The following SPATS2L variants were observed in gnomAD, a reference collection of about 807,000 sequenced individuals.
SPATS2L encodes the protein SPATS2-like protein.
A neutral mutation model predicts 59.6 loss-of-function variants in SPATS2L; 30 were observed. The ratio of observed to expected loss-of-function variants is 0.50; its 90% CI spans 0.38 to 0.68. The LOEUF is 0.68. Among genes scored for constraint, SPATS2L ranks in the 30% least tolerant of loss-of-function variants. The pLI is 0.00. For missense variants in SPATS2L, 615 were observed against 700.0 expected (o/e 0.88, Z 1.37); for synonymous variants, 252 against 263.5 (o/e 0.96, Z 0.42).
At chr2:200,332,881 T>G (rs2079997190) in intron 2 of SPATS2L, among the ~76,000 whole-genome samples, 2 of 152,024 alleles carry the variant, frequency 1.3e-5, no homozygotes, top group Admixed American at 6.5e-5. Context: ...GGAGAATAGA[T>G]TAATAAATTG....
intron 1 of SPATS2L, among the ~76,000 whole-genome samples, chr2:200,326,283 A>G (rs2079739182): frequency 6.6e-6 from 1 of 152,040 alleles, no homozygotes; most frequent in Non-Finnish European, 1.5e-5. Flanking sequence ...ACTCCTTTTC[A>G]CTTTTTTAAG....
Position 200,477,921 on chromosome 2 carries a change from T to A in SPATS2L, c.1567T>A (p.Phe523Ile), listed in dbSNP as rs754533278. Reference sequence around the variant, plus strand: ...TGCAGACACCTCGGAGGCCAGGCCCTTCCGGGGTAGTGTCGGTAGGGTTTC... The same window carrying A: ...TGCAGACACCTCGGAGGCCAGGCCCATCCGGGGTAGTGTCGGTAGGGTTTC... Reference protein sequence around the residue: ...HAADTSEARPFRGSVGRVSQC... With the variant: ...HAADTSEARPIRGSVGRVSQC... The change falls in exon 13 of 13, where the codon TTC (phenylalanine) becomes ATC (isoleucine). Residue 523 changes from phenylalanine (F) to isoleucine (I), a missense_variant. Transcript: ENST00000409140. The A allele has an allele frequency of 2.5e-6, 4 of 1,612,330 alleles. No homozygotes were observed. The South Asian group carries it at 4.4e-5, about 18-fold the overall frequency.
chr2:200,479,249 G>T lies in SPATS2L; in HGVS notation c.*1218G>T, dbSNP rs1315640269. Reference sequence around the variant, plus strand: ...TTAGCTCTCCTTTCCTCCTTGGGTTGACATTGCATTCAGAATTGTGGCAAA... The same window carrying T: ...TTAGCTCTCCTTTCCTCCTTGGGTTTACATTGCATTCAGAATTGTGGCAAA... On this transcript the variant is annotated 3_prime_UTR_variant, in exon 13 of 13. Transcript: ENST00000409140. 2.6e-5 allele frequency: 7 copies of T among 269,842 alleles called. No individual in the cohort carries two copies. Among genetic ancestry groups the T allele is most frequent in the Non-Finnish European group, 4.1e-5 (6 of 144,690 alleles). 16.7% of individuals were successfully genotyped at this position (269,842 alleles called of 1,614,324 possible). A position where few individuals can be genotyped will look rare whatever the true frequency, so the allele number is the denominator to read the frequency against.
At chr2:200,434,889 A>G (rs2084177299) in intron 6 of SPATS2L, among the ~76,000 whole-genome samples, 1 of 152,146 alleles carries the variant, frequency 6.6e-6, no homozygotes, top group Non-Finnish European at 1.5e-5. Context: ...AGATAGTCAA[A>G]ACAATCTTGA....
chr2:200,407,272 T>C (rs1028383084), intron 3 of SPATS2L, among the ~76,000 whole-genome samples: 1 of 152,224 alleles, frequency 6.6e-6, no homozygotes, highest in Non-Finnish European at 1.5e-5. Context: ...CCCAAGGTCA[T>C]AGAGCTAGCA....
At chr2:200,460,431 T>C (rs1027279164) in intron 9 of SPATS2L, among the ~76,000 whole-genome samples, 1 of 152,176 alleles carries the variant, frequency 6.6e-6, no homozygotes, top group Admixed American at 6.5e-5. Context: ...GTTCCTAAGC[T>C]TTTAAGCAAC....
chr2:200,309,446 A>G (rs771933963), intron 1 of SPATS2L, among the ~76,000 whole-genome samples: 3 of 152,242 alleles, frequency 2.0e-5, no homozygotes, highest in Non-Finnish European at 4.4e-5. Context: ...TCACTGCTTC[A>G]TAGTACTTCT....
intron 1 of SPATS2L, among the ~76,000 whole-genome samples, chr2:200,328,142 G>C (rs970221117): frequency 1.3e-5 from 2 of 152,136 alleles, no homozygotes; most frequent in African/African-American, 4.8e-5. Flanking sequence ...CTTGGGGCAC[G>C]TGGATCCTGG....
At chr2:200,412,257 A>G in intron 3 of SPATS2L, 54 bp from the exon 4 acceptor site, 2 of 1,125,144 alleles carry the variant, frequency 1.8e-6, no homozygotes, top group Non-Finnish European at 2.5e-6. Context: ...TTCATAGATG[A>G]AAAATATTTA....
intron 1 of SPATS2L, among the ~76,000 whole-genome samples, chr2:200,327,250 C>T (rs912771805): frequency 5.3e-5 from 8 of 151,502 alleles, no homozygotes; most frequent in African/African-American, 1.5e-4. Flanking sequence ...TTAAAAATAC[C>T]AAAATTAGCC....
At chr2:200,357,366 A>G (rs2080950635) in intron 2 of SPATS2L, among the ~76,000 whole-genome samples, 1 of 152,176 alleles carries the variant, frequency 6.6e-6, no homozygotes, top group African/African-American at 2.4e-5. Flanking sequence ...AAATAATGCC[A>G]AGCCCATAGT....
chr2:200,452,089 C>T (rs763632066), intron 8 of SPATS2L, among the ~76,000 whole-genome samples: 3 of 152,248 alleles, frequency 2.0e-5, no homozygotes, highest in African/African-American at 2.4e-5. Flanking sequence ...TGAGCCACCA[C>T]GCCCGGCAGA....
chr2:200,404,736 C>T (rs1324410616), intron 3 of SPATS2L, among the ~76,000 whole-genome samples: 5 of 152,228 alleles, frequency 3.3e-5, no homozygotes, highest in Middle Eastern at 3.4e-3. Context: ...GTCAGAAGTC[C>T]GAATGGGTCT....
At chr2:200,321,612 C>G (rs1041240948) in intron 1 of SPATS2L, among the ~76,000 whole-genome samples, 2 of 152,028 alleles carry the variant, frequency 1.3e-5, no homozygotes, top group Admixed American at 6.5e-5. Flanking sequence ...TAATGTTATT[C>G]TATGGATAAA....
intron 3 of SPATS2L, among the ~76,000 whole-genome samples, chr2:200,402,104 T>C (rs562126365): frequency 3.5e-4 from 53 of 152,322 alleles, no homozygotes; most frequent in Middle Eastern, 3.4e-3. Context: ...TTGTGAGTCT[T>C]TTTCTACACT....
At chr2:200,380,765 T>C (rs566403153) in intron 2 of SPATS2L, among the ~76,000 whole-genome samples, 1 of 152,310 alleles carries the variant, frequency 6.6e-6, no homozygotes, top group East Asian at 1.9e-4. Context: ...TAACAGTGGG[T>C]TGAGTACATT....
intron 1 of SPATS2L, among the ~76,000 whole-genome samples, chr2:200,311,272 A>C (rs1424632420): frequency 6.6e-6 from 1 of 152,212 alleles, no homozygotes; most frequent in African/African-American, 2.4e-5. Flanking sequence ...GCGTCTGTCA[A>C]GATTTTTTTT....
chr2:200,345,951 A>G (rs2080498128), intron 2 of SPATS2L, among the ~76,000 whole-genome samples: 1 of 152,146 alleles, frequency 6.6e-6, no homozygotes, highest in Non-Finnish European at 1.5e-5. Context: ...ATCAGAAAAT[A>G]AAATTCCCAC....
intron 8 of SPATS2L, among the ~76,000 whole-genome samples, chr2:200,456,894 A>C (rs988208551): frequency 2.0e-5 from 3 of 152,140 alleles, no homozygotes; most frequent in Non-Finnish European, 2.9e-5. Flanking sequence ...TCTTCTTGCC[A>C]TCGTCATTTT....
Sources: gnomAD v4.1 joint callset for allele counts (sites outside exome capture counted in the v4.1 genomes callset) on GRCh38, gnomAD v4.1.1 for gene constraint, MANE v1.5 for transcripts, NCBI Gene and HGNC (gene_info 2026-07-23, HGNC 2026-07-21) for gene names.